The following SETD1B variants were observed in gnomAD, a reference collection of about 807,000 sequenced individuals.
SETD1B encodes the protein histone-lysine N-methyltransferase SETD1B.
SETD1B carries 7 observed loss-of-function variants against 148.0 expected under a neutral mutation model. The ratio of observed to expected loss-of-function variants is 0.05; its 90% CI spans 0.03 to 0.09. SETD1B has a LOEUF of 0.09. SETD1B is among the 10% of genes least tolerant of loss of function. The probability of loss-of-function intolerance (pLI) is 1.00; values close to 1 mark genes in which losing one functional copy is unlikely to be tolerated. For missense variants in SETD1B, 2,155 were observed against 2,729.9 expected, an observed-to-expected ratio of 0.79 and a Z score of 4.69; for synonymous variants, 1,361 against 1,186.5, an observed-to-expected ratio of 1.15 and a Z score of -3.02.
At chr12:121,793,380 C>T in the SETD1B span, 6 of 1,459,150 alleles carry the variant, frequency 4.1e-6, no homozygotes, top group Non-Finnish European at 4.6e-6. Flanking sequence ...CGAGGGGGCG[C>T]CCCGGGGTGG....
rs568711666 is a variant in SETD1B at position 121,822,791 on chromosome 12, C to T, written c.4212C>T (p.Pro1404=). The change falls in exon 12 of 17, where the codon CCC becomes CCT. Residue 1404 remains proline (P), a synonymous_variant. Transcript: ENST00000604567. The part of the protein sequence containing the change: ...SGLSLSSPQV[P]GSPFSYPAPS... ...TGTCCCTGAGCTCTCCGCAAGTGCCCGGCAGCCCCTTCTCCTACCCAGCCC... is the reference window on the plus strand; with the variant it reads ...TGTCCCTGAGCTCTCCGCAAGTGCCTGGCAGCCCCTTCTCCTACCCAGCCC... The T allele has an allele frequency of 1.1e-5, 17 of 1,511,912 alleles. No individual in the cohort carries two copies. The highest frequency in any genetic ancestry group is 1.7e-4 in the Middle Eastern group (1 of 5,818). The allele number at this position is 1,511,912 out of a possible 1,614,324, so 93.7% of individuals were successfully genotyped here.
chr12:121,830,957 C>G lies in SETD1B; in HGVS notation c.*718C>G, dbSNP rs983967714. On this transcript the variant is annotated 3_prime_UTR_variant, in exon 17 of 17. Transcript: ENST00000604567. This position sits in a 1 kb window ranked among gnomAD's most constrained non-coding sequence, Gnocchi z 5.7. Reference sequence around the variant, plus strand: ...GGACCCTGATGGAGCTAAGCTGTCCCAGGCAGGGGTCTCCGCTCTGGGCTT... The same window carrying G: ...GGACCCTGATGGAGCTAAGCTGTCCGAGGCAGGGGTCTCCGCTCTGGGCTT... 1.3e-5 allele frequency: 2 copies of G among 152,532 alleles called. No homozygotes were observed. The highest frequency in any genetic ancestry group is 4.8e-5 in the African/African-American group (2 of 41,588). 9.4% of individuals were successfully genotyped at this position (152,532 alleles called of 1,614,324 possible).
In SETD1B at chr12:121,809,125, C is replaced by T. The variant is rs146123571; in HGVS notation, c.658-478C>T. On this transcript the variant is annotated intron_variant, in intron 5 of 16. Transcript: ENST00000604567. ...CTGACCTCAAGTGATCCACCTGCCTCGGCTTCCCAAAGTGCTGGGGTTACA... is the reference window on the plus strand; with the variant it reads ...CTGACCTCAAGTGATCCACCTGCCTTGGCTTCCCAAAGTGCTGGGGTTACA... 2.0e-4 allele frequency among the ~76,000 whole-genome samples: 31 copies of T among 152,314 alleles called. No individual in the cohort carries two copies. In the East Asian group the frequency reaches 4.8e-3, roughly 24 times the overall value.
chr12:121,822,850 G>C lies in SETD1B; in HGVS notation c.4271G>C (p.Arg1424Pro). ...AGCTTGAGCAGTGGGGGCCTCCCTC[G>C]GACACCTGGCCGGGACTTCAGCTTC... Reference protein sequence around the residue: ...SPSLSSGGLPRTPGRDFSFTP... With the variant: ...SPSLSSGGLPPTPGRDFSFTP... The change falls in exon 12 of 17, where the codon CGG becomes CCG. Residue 1424 changes from arginine (R) to proline (P), a missense_variant. Arg to Pro is a moderately radical substitution (Grantham distance 103, BLOSUM62 -2). Coordinates refer to ENST00000604567, the MANE Select transcript of SETD1B (RefSeq NM_001353345.2). The C allele has an allele frequency of 6.7e-7, 1 of 1,487,748 alleles. No individual in the cohort carries two copies. Among genetic ancestry groups the C allele is most frequent in the Non-Finnish European group, 9.0e-7 (1 of 1,113,544 alleles). 92.2% of individuals were successfully genotyped at this position (1,487,748 alleles called of 1,614,324 possible). A position where few individuals can be genotyped will look rare whatever the true frequency, so the allele number is the denominator to read the frequency against.
intron 10 of SETD1B, among the ~76,000 whole-genome samples, chr12:121,818,422 G>A (rs1248384315): frequency 2.0e-5 from 3 of 151,738 alleles, no homozygotes; most frequent in Admixed American, 1.3e-4. Flanking sequence ...AAATAGCCAG[G>A]CGTGGTGGTG....
At position 121,825,285 on chromosome 12, in the gene SETD1B, C is replaced by T. The variant is rs747553800; in HGVS notation, c.5256C>T (p.Phe1752=). 22 of 1,551,846 alleles carry T rather than the reference C, an allele frequency of 1.4e-5. No homozygotes were observed. The South Asian group carries it at 1.7e-4, about 12-fold the overall frequency. ...HVTGCARSEG[F]YTIDKKDKLR... is the part of the protein sequence containing the mutation. ...CGGGCTGTGCCCGCAGTGAGGGCTTCTACACCATCGACAAGAAGGACAAGC... is the reference window on the plus strand; with the variant it reads ...CGGGCTGTGCCCGCAGTGAGGGCTTTTACACCATCGACAAGAAGGACAAGC... Residue 1752 remains phenylalanine, a synonymous_variant, in exon 13 of 17, where the codon TTC becomes TTT. Transcript: ENST00000604567.
intron 6 of SETD1B, among the ~76,000 whole-genome samples, 192 bp from the exon 7 acceptor site, chr12:121,813,914 G>A (rs560906636): frequency 7.9e-5 from 12 of 152,332 alleles, no homozygotes; most frequent in Middle Eastern, 3.4e-3. Flanking sequence ...ATGAATTCTA[G>A]TGGTAACTCC....
chr12:121,814,529 C>G lies in SETD1B; in HGVS notation c.2314C>G (p.Pro772Ala). 1 of 1,483,720 alleles carries G rather than the reference C, an allele frequency of 6.7e-7. No individual in the cohort carries two copies. Among genetic ancestry groups the G allele is most frequent in the Non-Finnish European group, 9.0e-7 (1 of 1,111,304 alleles). The allele number at this position is 1,483,720 out of a possible 1,614,324, so 91.9% of individuals were successfully genotyped here. A position where few individuals can be genotyped will look rare whatever the true frequency, so the allele number is the denominator to read the frequency against. Residue 772 changes from proline (P) to alanine (A), a missense_variant, in exon 7 of 17, where the codon CCC becomes GCC. Physicochemically the swap from Pro to Ala is conservative, Grantham distance 27. Coordinates refer to ENST00000604567, the MANE Select transcript of SETD1B (RefSeq NM_001353345.2). ...HVLGGQWGGM[P>A]MSFQMQTQVL... is the part of the protein sequence containing the mutation. ...GCTGGGTGGCCAGTGGGGCGGCATG[C>G]CCATGTCCTTCCAGATGCAAACGCA...
At chr12:121,812,171 C>T (rs1876065035) in intron 6 of SETD1B, among the ~76,000 whole-genome samples, 1 of 152,118 alleles carries the variant, frequency 6.6e-6, no homozygotes, top group African/African-American at 2.4e-5. Context: ...CGGGGAATAG[C>T]GCCTGGGCTT....
Position 121,809,676 on chromosome 12 carries a change from C to T in SETD1B, c.731C>T (p.Thr244Ile), listed in dbSNP as rs1220942444. Reference protein sequence around the residue: ...AGCGSGSSSVTPNSGGTPFSQ... With the variant: ...AGCGSGSSSVIPNSGGTPFSQ... ...TGTGGCTCCGGCTCCTCCTCTGTCA[C>T]CCCCAATAGCGGTGGGACACCCTTC... Residue 244 changes from threonine to isoleucine, a missense_variant, in exon 6 of 17, where the codon ACC (threonine) becomes ATC (isoleucine). Thr to Ile is a moderately conservative substitution (Grantham distance 89, BLOSUM62 -1). Transcript: ENST00000604567. 1.3e-6 allele frequency: 2 copies of T among 1,551,614 alleles called. No homozygotes were observed. Among genetic ancestry groups the T allele is most frequent in the Non-Finnish European group, 1.7e-6 (2 of 1,146,974 alleles).
intron 7 of SETD1B, among the ~76,000 whole-genome samples, chr12:121,816,686 A>G (rs1292368899): frequency 6.6e-6 from 1 of 152,256 alleles, no homozygotes; most frequent in East Asian, 1.9e-4. Flanking sequence ...TGGGAAGAGA[A>G]GAGAAAATGG....
At chr12:121,801,219 C>T (rs984652641), upstream of SETD1B, 2 of 152,268 alleles carry the variant, frequency 1.3e-5, no homozygotes, top group Admixed American at 6.5e-5. Flanking sequence ...GGGCCCAAGG[C>T]TGGGCGATGA....
chr12:121,803,721 G>T (rs1230671499), upstream of SETD1B: 1 of 151,678 alleles, frequency 6.6e-6, no homozygotes, highest in Non-Finnish European at 1.5e-5. This position sits in a 1 kb window ranked among gnomAD's most constrained non-coding sequence, Gnocchi z 4.7. Flanking sequence ...GGGTAGTCCC[G>T]GCCGCGGGAG....
Position 121,830,602 on chromosome 12 carries a change from C to T in SETD1B, c.*363C>T, listed in dbSNP as rs935500688. ...CGGCCTCTTCCTGTGAATGCTGCTA[C>T]GTTGTTTTGTCTTCTCTATTTTTTT... On this transcript the variant is annotated 3_prime_UTR_variant, in exon 17 of 17. Transcript: ENST00000604567. The surrounding 1 kb of genome is among the most constrained non-coding windows in gnomAD (Gnocchi z 5.7). The T allele has an allele frequency of 2.1e-5, 4 of 187,678 alleles. No individual in the cohort carries two copies. The highest frequency in any genetic ancestry group is 2.6e-4 in the East Asian group (2 of 7,768). 11.6% of individuals were successfully genotyped at this position (187,678 alleles called of 1,614,324 possible). A position where few individuals can be genotyped will look rare whatever the true frequency, so the allele number is the denominator to read the frequency against.
intron 13 of SETD1B, among the ~76,000 whole-genome samples, 155 bp downstream of exon 13, chr12:121,825,521 G>A (rs1458389093): frequency 6.6e-6 from 1 of 152,144 alleles, no homozygotes; most frequent in Non-Finnish European, 1.5e-5. Flanking sequence ...GCGGGTGGGC[G>A]GGGCCTAGGA....
chr12:121,824,833 C>T (rs1423034082), intron 12 of SETD1B, among the ~76,000 whole-genome samples: 2 of 151,980 alleles, frequency 1.3e-5, no homozygotes, highest in African/African-American at 2.4e-5. Context: ...GGAAACATAG[C>T]AAAACCCCAT....
In SETD1B at chr12:121,817,320, C is replaced by T; in HGVS notation, c.2977+26C>T. On this transcript the variant is annotated intron_variant, in intron 8 of 16. Coordinates refer to ENST00000604567, the MANE Select transcript of SETD1B (RefSeq NM_001353345.2). This position sits in a 1 kb window ranked among gnomAD's most constrained non-coding sequence, Gnocchi z 8.1. ...GTTCGTGCTCTGGGTGCTGGGGTCC[C>T]CTTCTTCCGCATCCCCCCAGCCCAG... is the stretch of plus-strand genomic sequence containing the variant. 6.5e-7 allele frequency: 1 copy of T among 1,543,178 alleles called. No individual in the cohort carries two copies. Among genetic ancestry groups the T allele is most frequent in the Non-Finnish European group, 8.8e-7 (1 of 1,142,068 alleles).
chr12:121,815,719 C>T (rs1404044715), intron 7 of SETD1B, among the ~76,000 whole-genome samples: 1 of 152,056 alleles, frequency 6.6e-6, no homozygotes, highest in East Asian at 1.9e-4. Context: ...CCACGTTGCC[C>T]AGGCTGGTCT....
the SETD1B span, chr12:121,797,252 G>A: frequency 1.4e-5 from 5 of 362,232 alleles, no homozygotes; most frequent in East Asian, 1.5e-4. Flanking sequence ...CGGAAGAGGC[G>A]GGGATGCCGG....
Sources: gnomAD v4.1 joint callset for allele counts (sites outside exome capture counted in the v4.1 genomes callset) on GRCh38, gnomAD v4.1.1 for gene constraint, Gnocchi (gnomAD v3.1) non-coding constraint, MANE v1.5 for transcripts, NCBI Gene and HGNC (gene_info 2026-07-23, HGNC 2026-07-21) for gene names.